TBC1D19: variants seen among roughly 807,000 people sequenced by gnomAD.
TBC1D19 encodes the protein TBC1 domain family, member 19.
In TBC1D19, 60 loss-of-function variants were observed where a neutral mutation model predicts 89.0. The ratio of observed to expected loss-of-function variants is 0.67; its 90% CI spans 0.55 to 0.84. TBC1D19 has a LOEUF of 0.84. Among genes scored for constraint, TBC1D19 ranks in the 40% least tolerant of loss-of-function variants. The pLI, the probability that TBC1D19 is intolerant of heterozygous loss-of-function variation, is 0.00. For missense variants in TBC1D19, 500 were observed against 610.8 expected (o/e 0.82, Z 1.91); for synonymous variants, 189 against 199.7 (o/e 0.95, Z 0.45).
chr4:26,673,741 A>C, intron 10 of TBC1D19, 35 bp from the exon 11 acceptor site: 1 of 1,352,694 alleles, frequency 7.4e-7, no homozygotes, highest in Non-Finnish European at 1.1e-6. Context: ...TTACATTCTG[A>C]GTTTTCAAAG....
chr4:26,855,834 C>T, the TBC1D19 span, among the ~76,000 whole-genome samples: 6 of 152,190 alleles, frequency 3.9e-5, no homozygotes, highest in Non-Finnish European at 8.8e-5. Context: ...AATTCACAGA[C>T]ATTATGAATG....
chr4:26,797,099 T>C, the TBC1D19 span, among the ~76,000 whole-genome samples: 1 of 152,188 alleles, frequency 6.6e-6, no homozygotes, highest in Non-Finnish European at 1.5e-5. Context: ...ATTATCTCTG[T>C]TCACCGATGA....
rs571967723 is a variant in TBC1D19, at chr4:26,696,926, C to T, written c.954+8519C>T. Among the ~76,000 whole-genome samples the T allele has an allele frequency of 5.7e-3, 867 of 152,176 alleles. 8 individuals are homozygous for T. Among genetic ancestry groups the T allele is most frequent in the African/African-American group, 0.02 (829 of 41,510 alleles). On this transcript the variant is annotated intron_variant, in intron 13 of 20. Transcript: ENST00000264866. The stretch of plus-strand genomic sequence containing the variant: ...AAGCAGGAAAGATCTAAAATTGACA[C>T]CCTAACATCACAATTAAAAGAACTA...
At chr4:26,807,018 A>G in the TBC1D19 span, among the ~76,000 whole-genome samples, 15 of 151,980 alleles carry the variant, frequency 9.9e-5, no homozygotes, top group African/African-American at 3.1e-4. Flanking sequence ...CTAATATAAC[A>G]CTCAATCACT....
chr4:26,673,083 T>C (rs186542559), intron 10 of TBC1D19, among the ~76,000 whole-genome samples: 260 of 151,962 alleles, frequency 1.7e-3, no homozygotes, highest in African/African-American at 6.1e-3. Flanking sequence ...GCTGACATCT[T>C]TATTAAAGAA....
At chr4:26,832,488 C>A in the TBC1D19 span, among the ~76,000 whole-genome samples, 13 of 152,148 alleles carry the variant, frequency 8.5e-5, no homozygotes, top group Non-Finnish European at 1.6e-4. Context: ...GTAGAAACAC[C>A]GGTCCTCTTA....
chr4:26,626,822 T>TA (rs1293318503), intron 4 of TBC1D19, among the ~76,000 whole-genome samples: 1 of 148,204 alleles, frequency 6.7e-6, no homozygotes, highest in Non-Finnish European at 1.5e-5. Context: ...CAAATTCTTT[T>TA]TTTTATTTTT....
At chr4:26,639,477 T>C (rs1185148286) in intron 6 of TBC1D19, among the ~76,000 whole-genome samples, 1 of 152,198 alleles carries the variant, frequency 6.6e-6, no homozygotes, top group Non-Finnish European at 1.5e-5. Context: ...AGCTTAATTA[T>C]ATTGGGTTGT....
At chr4:26,670,253 T>C (rs1712174237) in intron 9 of TBC1D19, among the ~76,000 whole-genome samples, 1 of 150,844 alleles carries the variant, frequency 6.6e-6, no homozygotes, top group Non-Finnish European at 1.5e-5. Flanking sequence ...TATAAATGAT[T>C]TATGTTACGG....
chr4:26,754,060 A>C, intron 20 of TBC1D19, 170 bp downstream of exon 20: 1 of 594,636 alleles, frequency 1.7e-6, no homozygotes, highest in Non-Finnish European at 2.9e-6. Flanking sequence ...AAATTTCTTT[A>C]ATTACTTGAG....
At chr4:26,629,791 C>T (rs1481018925) in intron 4 of TBC1D19, among the ~76,000 whole-genome samples, 1 of 151,796 alleles carries the variant, frequency 6.6e-6, no homozygotes, top group African/African-American at 2.4e-5. Context: ...ACATTATAAT[C>T]TTATATGGAG....
chr4:26,609,737 C>G (rs960236085), intron 1 of TBC1D19, among the ~76,000 whole-genome samples: 1 of 152,040 alleles, frequency 6.6e-6, no homozygotes, highest in Non-Finnish European at 1.5e-5. Flanking sequence ...AGTGCCACAG[C>G]TGGGAAAGAC....
intron 4 of TBC1D19, among the ~76,000 whole-genome samples, chr4:26,634,465 C>A (rs1292423089): frequency 6.6e-6 from 1 of 152,046 alleles, no homozygotes; most frequent in African/African-American, 2.4e-5. Flanking sequence ...GGGTTTCAAG[C>A]AGATACTCAC....
chr4:26,845,800 A>C, the TBC1D19 span, among the ~76,000 whole-genome samples: 1 of 152,236 alleles, frequency 6.6e-6, no homozygotes, highest in Admixed American at 6.5e-5. Context: ...CCAAGTGAAA[A>C]GGATTTCTCC....
intron 4 of TBC1D19, among the ~76,000 whole-genome samples, chr4:26,628,033 G>A (rs1446862666): frequency 3.9e-5 from 6 of 152,116 alleles, no homozygotes; most frequent in African/African-American, 1.2e-4. Flanking sequence ...TAACGTTTAA[G>A]TCTTTAATCC....
chr4:26,854,582 A>G, the TBC1D19 span, among the ~76,000 whole-genome samples: 6 of 152,312 alleles, frequency 3.9e-5, no homozygotes, highest in South Asian at 6.2e-4. Context: ...GGATGTTTCA[A>G]TCTTCCTTGG....
At chr4:26,696,013 A>G (rs902031556) in intron 13 of TBC1D19, among the ~76,000 whole-genome samples, 24 of 152,344 alleles carry the variant, frequency 1.6e-4, no homozygotes, top group African/African-American at 5.1e-4. Context: ...TAACAATATT[A>G]ACCTTAAATG....
intron 1 of TBC1D19, among the ~76,000 whole-genome samples, chr4:26,589,796 G>C (rs1445363982): frequency 6.6e-6 from 1 of 152,158 alleles, no homozygotes; most frequent in Non-Finnish European, 1.5e-5. Context: ...CTTCAGAATG[G>C]GAGGGTTTCT....
At chr4:26,821,393 A>T in the TBC1D19 span, among the ~76,000 whole-genome samples, 1 of 152,224 alleles carries the variant, frequency 6.6e-6, no homozygotes, top group African/African-American at 2.4e-5. Context: ...TTGTTTTCAA[A>T]TGTAATGAAA....
Sources: allele counts gnomAD v4.1 joint callset (sites outside exome capture counted in the v4.1 genomes callset), GRCh38; gene constraint gnomAD v4.1.1; transcripts MANE v1.5; gene names NCBI Gene and HGNC (gene_info 2026-07-23, HGNC 2026-07-21).